The following NCR1 variants were observed in gnomAD, a reference collection of about 807,000 sequenced individuals.
NCR1 encodes the protein NK cell-activating receptor.
NCR1 carries 30 observed loss-of-function variants against 32.5 expected under a neutral mutation model. The ratio of observed to expected loss-of-function variants is 0.92; its 90% CI spans 0.69 to 1.25. The LOEUF (loss-of-function observed/expected upper bound fraction) is 1.25, where lower values mean the gene tolerates loss of function less well. NCR1 is among the 50% of genes most tolerant of loss of function. The pLI is 0.00. For synonymous variants in NCR1, 169 were observed against 143.4 expected (o/e 1.18, Z -1.28); for missense variants, 369 against 380.7 (o/e 0.97, Z 0.26).
downstream of NCR1, among the ~76,000 whole-genome samples, chr19:54,917,329 AAAAC>A (rs1488331756): frequency 6.6e-6 from 1 of 151,386 alleles, no homozygotes; most frequent in African/African-American, 2.4e-5. Flanking sequence ...AACAAAAACA[AAAAC>A]AAAAAAACTA....
At position 54,906,617 on chromosome 19, in the gene NCR1, T is replaced by A. The variant is rs146763120; in HGVS notation, c.165T>A (p.Ala55=). ...VTICCQGNYG[A]VEYQLHFEGS... is the part of the protein sequence containing the mutation. ...TCTGTTGCCAGGGAAATTATGGGGC[T>A]GTTGAATACCAGCTGCACTTTGAAG... Residue 55 remains alanine (A), a synonymous_variant, in exon 3 of 7, where the codon GCT becomes GCA. Transcript: ENST00000291890. 13 of 1,614,112 alleles carry A rather than the reference T, an allele frequency of 8.1e-6. No individual in the cohort carries two copies. The highest frequency in any genetic ancestry group is 1.0e-5 in the Non-Finnish European group (12 of 1,180,056).
At chr19:54,903,494 ATATG>A (rs977010027), upstream of NCR1, among the ~76,000 whole-genome samples, 94 of 146,188 alleles carry the variant, frequency 6.4e-4, 9 homozygotes, top group Non-Finnish European at 2.1e-4. Flanking sequence ...GTATATACAT[ATATG>A]TATGTATACA....
the NCR1 span, chr19:54,936,185 C>A: frequency 7.4e-7 from 1 of 1,358,302 alleles, no homozygotes; most frequent in East Asian, 2.3e-5. Flanking sequence ...GAGTGGTTAC[C>A]CTTTTTCCTA....
chr19:54,930,387 G>A, the NCR1 span: 42 of 751,488 alleles, frequency 5.6e-5, no homozygotes, highest in African/African-American at 6.4e-4. Flanking sequence ...GATCAAGCCT[G>A]GAAGACCGAA....
upstream of NCR1, among the ~76,000 whole-genome samples, chr19:54,905,788 A>C (rs1240482456): frequency 6.6e-6 from 1 of 152,114 alleles, no homozygotes; most frequent in African/African-American, 2.4e-5. Context: ...AATTTCTTTT[A>C]ATTCCTGTTC....
At chr19:54,919,830 G>A (rs1279107901), downstream of NCR1, among the ~76,000 whole-genome samples, 3 of 151,322 alleles carry the variant, frequency 2.0e-5, no homozygotes, top group Non-Finnish European at 4.4e-5. Context: ...CTTCCCAGAC[G>A]CTGGCGTCAC....
At chr19:54,909,959 A>C in intron 4 of NCR1, 59 bp from the exon 5 acceptor site, 3 of 1,347,128 alleles carry the variant, frequency 2.2e-6, no homozygotes, top group African/African-American at 1.5e-5. Context: ...AAAAAAAAGA[A>C]TGGCAAGACC....
chr19:54,930,815 A>T, the NCR1 span: 1 of 708,468 alleles, frequency 1.4e-6, no homozygotes, highest in African/African-American at 1.8e-5. Context: ...TCCCAGGTTC[A>T]AGCGATTCTT....
At chr19:54,934,319 C>T in the NCR1 span, among the ~76,000 whole-genome samples, 20 of 152,218 alleles carry the variant, frequency 1.3e-4, no homozygotes, top group Admixed American at 5.9e-4. This position sits in a 1 kb window ranked among gnomAD's most constrained non-coding sequence, Gnocchi z 6.7. Flanking sequence ...TCAGATGATC[C>T]GCCCACCTCT....
chr19:54,903,363 C>T (rs587765161), upstream of NCR1, among the ~76,000 whole-genome samples: 29 of 110,184 alleles, frequency 2.6e-4, 3 homozygotes, highest in Admixed American at 1.9e-3. Context: ...TATATACATA[C>T]ATGTATATAT....
At position 54,912,807 on chromosome 19, in the gene NCR1, G is replaced by A. The variant is rs746337658; in HGVS notation, c.851G>A (p.Arg284Lys). 10 of 1,613,862 alleles carry A rather than the reference G, an allele frequency of 6.2e-6. No homozygotes were observed. Among genetic ancestry groups the A allele is most frequent in the Non-Finnish European group, 8.5e-6 (10 of 1,179,994 alleles). ...VEDWLSRKRTRERASRASTWE... is the reference protein window; with the variant it reads ...VEDWLSRKRTKERASRASTWE... ...GACTGGCTCAGCAGGAAGAGGACTA[G>A]AGAGCGAGCCAGCAGAGCTTCCACT... The change falls in exon 7 of 7, where the codon AGA (arginine) becomes AAA (lysine). Residue 284 changes from arginine to lysine, a missense_variant. Arg to Lys is a conservative substitution (Grantham distance 26). Transcript: ENST00000291890.
chr19:54,927,109 C>T, the NCR1 span, among the ~76,000 whole-genome samples: 2 of 145,168 alleles, frequency 1.4e-5, no homozygotes, highest in Non-Finnish European at 3.0e-5. Flanking sequence ...ACCAAAAAGG[C>T]CGGGTGCAAT....
the NCR1 span, chr19:54,936,315 A>G: frequency 6.2e-7 from 1 of 1,614,052 alleles, no homozygotes; most frequent in East Asian, 2.2e-5. Flanking sequence ...CAGCATCAGC[A>G]TCATCGTGCG....
chr19:54,917,934 C>T (rs553450648), downstream of NCR1, among the ~76,000 whole-genome samples: 4 of 152,112 alleles, frequency 2.6e-5, no homozygotes, highest in East Asian at 7.7e-4. Context: ...TAAGACGTGG[C>T]TATTTTTCTT....
chr19:54,915,576 C>T (rs1337188340), downstream of NCR1, among the ~76,000 whole-genome samples: 3 of 152,044 alleles, frequency 2.0e-5, no homozygotes, highest in South Asian at 2.1e-4. Context: ...CACTTGAACC[C>T]GGGAGGCAGA....
upstream of NCR1, among the ~76,000 whole-genome samples, chr19:54,901,999 T>C (rs2067309872): frequency 6.6e-6 from 1 of 152,192 alleles, no homozygotes; most frequent in Admixed American, 6.5e-5. Flanking sequence ...TTAAATAAAT[T>C]GTGTAATCTT....
At chr19:54,934,362 G>A in the NCR1 span, 22 of 933,464 alleles carry the variant, frequency 2.4e-5, no homozygotes, top group East Asian at 7.2e-5. The surrounding 1 kb of genome is among the most constrained non-coding windows in gnomAD (Gnocchi z 6.7). Flanking sequence ...CCACCGTGCC[G>A]GGCCTGAAGC....
Position 54,909,301 on chromosome 19 carries a change from GAGA to G in NCR1, c.415_417del (p.Lys139del). 1 of 1,614,124 alleles carries G rather than the reference GAGA, an allele frequency of 6.2e-7. No individual in the cohort carries two copies. The highest frequency in any genetic ancestry group is 2.2e-5 in the East Asian group (1 of 44,868). On this transcript the variant is annotated inframe_deletion, in exon 4 of 7. Coordinates refer to ENST00000291890, the MANE Select transcript of NCR1 (RefSeq NM_004829.7). ...TCCTGGACCCGAAGTGATCTCGGGA[GAGA>G]AGGTGACCTTCTACTGCCGTCTAGA...
the NCR1 span, among the ~76,000 whole-genome samples, chr19:54,936,742 C>T: frequency 6.6e-6 from 1 of 151,956 alleles, no homozygotes; most frequent in East Asian, 1.9e-4. Context: ...TGGGGAAGCC[C>T]CGTCTCTACT....
Sources: allele counts gnomAD v4.1 joint callset (sites outside exome capture counted in the v4.1 genomes callset), GRCh38; gene constraint gnomAD v4.1.1; non-coding constraint Gnocchi (gnomAD v3.1); transcripts MANE v1.5; gene names NCBI Gene and HGNC (gene_info 2026-07-23, HGNC 2026-07-21).